Variants in DSCAML1 observed in about 807,000 individuals in gnomAD.
DSCAML1 encodes cell adhesion molecule DSCAML1.
A neutral mutation model predicts 200.5 loss-of-function variants in DSCAML1; 38 were observed. That is an observed-to-expected ratio of 0.19 (90% CI 0.15 to 0.25). The LOEUF is 0.25. Among genes scored for constraint, DSCAML1 ranks in the 10% least tolerant of loss-of-function variants. The pLI is 1.00. For synonymous variants in DSCAML1, 1,215 were observed against 1,165.0 expected (o/e 1.04, Z -0.87); for missense variants, 2,223 against 2,858.8 (o/e 0.78, Z 5.07).
chr11:117,625,120 G>A (rs2052016504), intron 3 of DSCAML1, among the ~76,000 whole-genome samples: 1 of 152,012 alleles, frequency 6.6e-6, no homozygotes. Flanking sequence ...AGGGAGTTCT[G>A]CTTCACCCCT....
At position 117,780,958 on chromosome 11, in the gene DSCAML1, A is replaced by C. The variant is rs551721607; in HGVS notation, c.47-148T>G. The C allele has an allele frequency of 3.0e-5, 17 of 558,886 alleles. No individual in the cohort carries two copies. In the Admixed American group the frequency reaches 5.6e-4, roughly 18 times the overall value. 34.6% of individuals were successfully genotyped at this position (558,886 alleles called of 1,614,324 possible). A position where few individuals can be genotyped will look rare whatever the true frequency, so the allele number is the denominator to read the frequency against. On this transcript the variant is annotated intron_variant, in intron 1 of 32. Coordinates refer to ENST00000651296, the MANE Select transcript of DSCAML1 (RefSeq NM_020693.4). This position sits in a 1 kb window ranked among gnomAD's most constrained non-coding sequence, Gnocchi z 4.8. ...TGCACTTATTGAGCACTGACTATAC[A>C]CCAGGCACTGGCAAAGGTGAATCAG...
chr11:117,591,605 G>A (rs2051260772), intron 3 of DSCAML1, among the ~76,000 whole-genome samples: 2 of 152,232 alleles, frequency 1.3e-5, no homozygotes, highest in Non-Finnish European at 2.9e-5. Flanking sequence ...TTATGCACCT[G>A]GGTGGCATTC....
At chr11:117,524,747 G>T (rs935426232) in intron 5 of DSCAML1, 58 bp downstream of exon 5, 1 of 1,529,010 alleles carries the variant, frequency 6.5e-7, no homozygotes. Flanking sequence ...CTCCTCCCCC[G>T]ACCCCTGAGG....
chr11:117,467,961 G>C (rs1009694866), intron 16 of DSCAML1, among the ~76,000 whole-genome samples: 2 of 151,948 alleles, frequency 1.3e-5, no homozygotes, highest in African/African-American at 2.4e-5. Flanking sequence ...ACCTGCACAC[G>C]TGACCACATC....
At chr11:117,798,181 T>C, upstream of DSCAML1, among the ~76,000 whole-genome samples, 1 of 152,262 alleles carries the variant, frequency 6.6e-6, no homozygotes, top group East Asian at 1.9e-4. Flanking sequence ...GAGCCAGGAC[T>C]GTAGCTCCCT....
chr11:117,500,787 C>T (rs1312808405), intron 11 of DSCAML1, among the ~76,000 whole-genome samples: 2 of 152,224 alleles, frequency 1.3e-5, no homozygotes, highest in East Asian at 3.8e-4. Context: ...TCCAATCTGA[C>T]ACTTGGAGGC....
At chr11:117,713,166 G>A (rs919340602) in intron 3 of DSCAML1, among the ~76,000 whole-genome samples, 1 of 151,964 alleles carries the variant, frequency 6.6e-6, no homozygotes, top group Non-Finnish European at 1.5e-5. Flanking sequence ...GCATGACCTC[G>A]GCTCACTGCG....
At chr11:117,651,175 G>T (rs1457483664) in intron 3 of DSCAML1, among the ~76,000 whole-genome samples, 1 of 152,262 alleles carries the variant, frequency 6.6e-6, no homozygotes, top group Non-Finnish European at 1.5e-5. Flanking sequence ...AACAGCTGCT[G>T]CCTCTGTCCA....
At chr11:117,537,005 C>A (rs2050183829) in intron 3 of DSCAML1, among the ~76,000 whole-genome samples, 2 of 152,210 alleles carry the variant, frequency 1.3e-5, no homozygotes, top group Non-Finnish European at 2.9e-5. Context: ...TTAACTGAAG[C>A]ACAGAGAAGT....
At chr11:117,773,842 G>T (rs1479521079) in intron 3 of DSCAML1, among the ~76,000 whole-genome samples, 1 of 152,092 alleles carries the variant, frequency 6.6e-6, no homozygotes, top group African/African-American at 2.4e-5. Context: ...ATTATAGATG[G>T]GGCTGGAGGG....
At chr11:117,678,089 A>G (rs2053248275) in intron 3 of DSCAML1, among the ~76,000 whole-genome samples, 1 of 152,228 alleles carries the variant, frequency 6.6e-6, no homozygotes, top group Non-Finnish European at 1.5e-5. Flanking sequence ...ATAACTCACA[A>G]TATCTTCCAT....
intron 3 of DSCAML1, among the ~76,000 whole-genome samples, chr11:117,626,548 C>T (rs1322621488): frequency 1.3e-5 from 2 of 152,188 alleles, no homozygotes; most frequent in Non-Finnish European, 2.9e-5. Context: ...CATGTCTCCT[C>T]TCTGGGCCTC....
At chr11:117,520,228 C>G (rs2049859602) in intron 6 of DSCAML1, among the ~76,000 whole-genome samples, 1 of 152,230 alleles carries the variant, frequency 6.6e-6, no homozygotes, top group Admixed American at 6.5e-5. Context: ...CAGTCCTCAC[C>G]TACCCTCTTG....
At chr11:117,795,566 C>T (rs768662040) in intron 1 of DSCAML1, among the ~76,000 whole-genome samples, 5 of 152,064 alleles carry the variant, frequency 3.3e-5, no homozygotes, top group African/African-American at 4.8e-5. Flanking sequence ...TGGTGTGTAA[C>T]CCGGGGGACC....
chr11:117,695,406 T>C lies in DSCAML1; in HGVS notation c.511+81385A>G, dbSNP rs112492803. 2.9e-3 allele frequency among the ~76,000 whole-genome samples: 427 copies of C among 148,770 alleles called. 3 individuals are homozygous for C. The highest frequency in any genetic ancestry group is 8.8e-3 in the African/African-American group (353 of 40,248). ...AGCTCATTTCAAGACATGCTGAGCATGGTAGGAACTGCAGATGTGTATGTT... is the reference window on the plus strand; with the variant it reads ...AGCTCATTTCAAGACATGCTGAGCACGGTAGGAACTGCAGATGTGTATGTT... On this transcript the variant is annotated intron_variant, in intron 3 of 32. Transcript: ENST00000651296.
intron 14 of DSCAML1, among the ~76,000 whole-genome samples, chr11:117,479,558 C>T (rs958816156): frequency 9.2e-5 from 14 of 152,196 alleles, no homozygotes; most frequent in African/African-American, 3.4e-4. Context: ...TCCCCAGATG[C>T]GGGGTGCCCA....
chr11:117,470,994 T>C (rs952593545), intron 15 of DSCAML1, among the ~76,000 whole-genome samples: 1 of 152,120 alleles, frequency 6.6e-6, no homozygotes, highest in African/African-American at 2.4e-5. Context: ...AGAATGAAAA[T>C]TAGTATCACA....
rs560933002 is a variant in DSCAML1, at chr11:117,726,854, G to A, written c.511+49937C>T. Among the ~76,000 whole-genome samples the A allele has an allele frequency of 2.6e-5, 4 of 152,208 alleles. No individual in the cohort carries two copies. In the East Asian group the frequency reaches 5.8e-4, roughly 22 times the overall value. ...GTGGAGGTCTCTGGGAACTGCAGGG[G>A]AGCATAAGCAGCTCTATAGGGACAG... On this transcript the variant is annotated intron_variant, in intron 3 of 32. Coordinates refer to ENST00000651296, the MANE Select transcript of DSCAML1 (RefSeq NM_020693.4).
intron 3 of DSCAML1, among the ~76,000 whole-genome samples, chr11:117,605,407 A>G (rs2051545130): frequency 6.6e-6 from 1 of 152,134 alleles, no homozygotes; most frequent in Admixed American, 6.5e-5. Context: ...CTCTGCCGCA[A>G]GCACAGAGCC....
Sources: allele counts gnomAD v4.1 joint callset (sites outside exome capture counted in the v4.1 genomes callset), GRCh38; gene constraint gnomAD v4.1.1; non-coding constraint Gnocchi (gnomAD v3.1); transcripts MANE v1.5; gene names NCBI Gene and HGNC (gene_info 2026-07-23, HGNC 2026-07-21).